Variants in TNRC6C observed in about 807,000 individuals in gnomAD.
The protein encoded by TNRC6C is trinucleotide repeat-containing gene 6C protein.
Under a neutral mutation model 153.7 loss-of-function variants are expected in TNRC6C, and 20 were observed. The ratio of observed to expected loss-of-function variants is 0.13; its 90% CI spans 0.09 to 0.19. The LOEUF is 0.19. Ranked by LOEUF, TNRC6C falls within the 10% of genes least tolerant of loss-of-function variation. The pLI is 1.00. For missense variants in TNRC6C, 1,987 were observed against 2,172.0 expected, an observed-to-expected ratio of 0.91 and a Z score of 1.69; for synonymous variants, 811 against 841.4, an observed-to-expected ratio of 0.96 and a Z score of 0.63.
chr17:78,084,475 A>G (rs925680638), intron 11 of TNRC6C, among the ~76,000 whole-genome samples: 2 of 152,086 alleles, frequency 1.3e-5, no homozygotes, highest in African/African-American at 2.4e-5. Flanking sequence ...TTCTGTAAGC[A>G]GCAGGGGAGG....
At chr17:78,021,574 A>T (rs9910230) in intron 1 of TNRC6C, among the ~76,000 whole-genome samples, 5,735 of 151,824 alleles carry the variant, frequency 0.038, 242 homozygotes, top group African/African-American at 0.1. Flanking sequence ...TTATTTTTTT[A>T]TTTTTATTTT....
intron 1 of TNRC6C, among the ~76,000 whole-genome samples, chr17:77,974,106 CAG>C (rs1303149938): frequency 6.6e-6 from 1 of 151,566 alleles, no homozygotes; most frequent in Non-Finnish European, 1.5e-5. Context: ...GGAGGTAAAA[CAG>C]AACATGAAAA....
At chr17:78,016,912 G>A (rs1184872791) in intron 1 of TNRC6C, among the ~76,000 whole-genome samples, 1 of 152,154 alleles carries the variant, frequency 6.6e-6, no homozygotes, top group African/African-American at 2.4e-5. Flanking sequence ...GTTATGGATG[G>A]CATGACTGAA....
At chr17:78,026,718 T>TA (rs1261644962) in intron 1 of TNRC6C, among the ~76,000 whole-genome samples, 6 of 152,190 alleles carry the variant, frequency 3.9e-5, no homozygotes, top group Admixed American at 3.3e-4. Flanking sequence ...CTCAGAGTTT[T>TA]AAACCAGGGA....
At chr17:78,093,480 A>AAG (rs1220020034) in intron 15 of TNRC6C, 140 bp from the exon 18 acceptor site, 1 of 1,032,634 alleles carries the variant, frequency 9.7e-7, no homozygotes, top group Non-Finnish European at 1.4e-6. Flanking sequence ...GCTTTAATGA[A>AAG]AGAGAGTATA....
intron 17 of TNRC6C, among the ~76,000 whole-genome samples, chr17:78,100,010 C>T (rs1015648592): frequency 6.6e-6 from 1 of 152,230 alleles, no homozygotes; most frequent in Non-Finnish European, 1.5e-5. Flanking sequence ...AATCTCAAAG[C>T]TCCAAAATGA....
chr17:78,081,026 A>G (rs1206798876), intron 10 of TNRC6C, among the ~76,000 whole-genome samples: 1 of 152,176 alleles, frequency 6.6e-6, no homozygotes, highest in African/African-American at 2.4e-5. Flanking sequence ...GCATGAATGT[A>G]TTGCTTGCAG....
intron 16 of TNRC6C, among the ~76,000 whole-genome samples, chr17:78,095,324 T>C (rs2073466029): frequency 6.6e-6 from 1 of 152,176 alleles, no homozygotes; most frequent in Non-Finnish European, 1.5e-5. Flanking sequence ...TCCAGCTCCA[T>C]AGCCTGCCCA....
chr17:78,048,946 A>G, exon 3 of TNRC6C: 1 of 1,318,290 alleles, frequency 7.6e-7, no homozygotes, highest in Non-Finnish European at 9.7e-7. Context: ...TAAAGTGATA[A>G]TAGATAGGAC....
chr17:78,035,578 A>ACCTT (rs1446124911), intron 2 of TNRC6C, among the ~76,000 whole-genome samples: 4 of 152,142 alleles, frequency 2.6e-5, no homozygotes, highest in African/African-American at 9.7e-5. Flanking sequence ...GCTGAGGGAG[A>ACCTT]AGGATCGCTT....
At chr17:78,091,443 G>A in exon 14 of TNRC6C, 1 of 1,590,638 alleles carries the variant, frequency 6.3e-7, no homozygotes, top group Non-Finnish European at 8.6e-7. Context: ...TCTTTAGCTG[G>A]ACTGAACCCA....
chr17:78,040,825 T>G (rs776589936), intron 2 of TNRC6C, among the ~76,000 whole-genome samples: 17 of 152,012 alleles, frequency 1.1e-4, no homozygotes, highest in Admixed American at 7.2e-4. Flanking sequence ...TAAAATCCCA[T>G]CCGTCCATGC....
Position 78,049,284 on chromosome 17 carries a change from G to T in TNRC6C, c.222G>T (p.Met74Ile). 1 of 1,613,246 alleles carries T rather than the reference G, an allele frequency of 6.2e-7. No individual in the cohort carries two copies. Among genetic ancestry groups the T allele is most frequent in the Non-Finnish European group, 8.5e-7 (1 of 1,179,414 alleles). ...CTGTCAGTGGTGGGGATGGAAAAAT[G>T]GACACTATGATTGGAGATGGGAGAA... The change falls in exon 3 of 20, where the codon ATG becomes ATT. Residue 74 changes from methionine (M) to isoleucine (I), a missense_variant. Coordinates refer to ENST00000301624, the Ensembl canonical transcript of TNRC6C. This position sits in a 1 kb window ranked among gnomAD's most constrained non-coding sequence, Gnocchi z 4.1.
rs556029927 is a variant in TNRC6C, at chr17:78,075,380, A to G, written c.3060+102A>G. Reference sequence around the variant, plus strand: ...AGCCAGATTAAAAACTTGCTGGACTATAATACTTAAGTGACTTTTATCCAT... The same window carrying G: ...AGCCAGATTAAAAACTTGCTGGACTGTAATACTTAAGTGACTTTTATCCAT... On this transcript the variant is annotated intron_variant, in intron 8 of 19. Coordinates refer to ENST00000301624, the Ensembl canonical transcript of TNRC6C. The surrounding 1 kb of genome is among the most constrained non-coding windows in gnomAD (Gnocchi z 4.2). 3.6e-5 allele frequency: 49 copies of G among 1,356,876 alleles called. No homozygotes were observed. In the East Asian group the frequency reaches 1.1e-3, roughly 29 times the overall value. The allele number at this position is 1,356,876 out of a possible 1,614,324, so 84.1% of individuals were successfully genotyped here.
chr17:78,104,633 A>G lies in TNRC6C; in HGVS notation c.4861A>G (p.Ser1621Gly), dbSNP rs1275999422. The G allele has an allele frequency of 3.9e-6, 6 of 1,548,092 alleles. No homozygotes were observed. The highest frequency in any genetic ancestry group is 5.2e-6 in the Non-Finnish European group (6 of 1,146,924). ...CCAGCCGCGGCTCAGCGCAGCGGGCAGCTCCCATGGCCTGGTACGCAGCGA... is the reference window on the plus strand; with the variant it reads ...CCAGCCGCGGCTCAGCGCAGCGGGCGGCTCCCATGGCCTGGTACGCAGCGA... The change falls in exon 20 of 20, where the codon AGC (serine) becomes GGC (glycine). Residue 1621 changes from serine to glycine, a missense_variant. Ser to Gly is a moderately conservative substitution (Grantham distance 56, BLOSUM62 0). Around this residue, in one of 4 missense-constraint regions of TNRC6C, gnomAD observed 139 missense variants for 148.5 expected, o/e 0.94. Transcript: ENST00000301624. This position sits in a 1 kb window ranked among gnomAD's most constrained non-coding sequence, Gnocchi z 6.2.
chr17:78,082,439 AAC>A (rs2073198722), intron 10 of TNRC6C, among the ~76,000 whole-genome samples: 1 of 152,174 alleles, frequency 6.6e-6, no homozygotes, highest in Admixed American at 6.6e-5. Context: ...TTAAAACAGA[AAC>A]ACAGTCTGTC....
intron 1 of TNRC6C, among the ~76,000 whole-genome samples, chr17:77,981,668 ACAT>A (rs1339384099): frequency 1.3e-5 from 2 of 152,232 alleles, no homozygotes; most frequent in Non-Finnish European, 2.9e-5. Flanking sequence ...TGAGAGAATC[ACAT>A]CATAATGTTC....
Position 78,079,075 on chromosome 17 carries a change from A to C in TNRC6C, c.3211-320A>C, listed in dbSNP as rs1457473785. The stretch of plus-strand genomic sequence containing the variant: ...TACTGCATTCCAGCCTGGGTGACAG[A>C]GCAAAACTCCATCTAAAAAAAAAAA... On this transcript the variant is annotated intron_variant, in intron 9 of 19. Coordinates refer to ENST00000301624, the Ensembl canonical transcript of TNRC6C. The surrounding 1 kb of genome is among the most constrained non-coding windows in gnomAD (Gnocchi z 4.3). Among the ~76,000 whole-genome samples, 4 of 151,412 alleles carry C rather than the reference A, an allele frequency of 2.6e-5. No individual in the cohort carries two copies. The highest frequency in any genetic ancestry group is 4.4e-5 in the Non-Finnish European group (3 of 67,836).
chr17:78,038,885 T>C lies in TNRC6C; in HGVS notation c.-219+7043T>C, dbSNP rs574832536. 1.2e-4 allele frequency among the ~76,000 whole-genome samples: 19 copies of C among 152,152 alleles called. No individual in the cohort carries two copies. In the East Asian group the frequency reaches 3.7e-3, roughly 29 times the overall value. On this transcript the variant is annotated intron_variant, in intron 2 of 19. Transcript: ENST00000301624. ...ACACATATTAACTCATTTAATCTTC[T>C]CAAGACCCTGTAATCACCGCAGGCG...
Sources: gnomAD v4.1 joint callset for allele counts (sites outside exome capture counted in the v4.1 genomes callset) on GRCh38, gnomAD v4.1.1 for gene constraint, gnomAD v4.1.1 regional missense constraint, Gnocchi (gnomAD v3.1) non-coding constraint, MANE v1.5 for transcripts, NCBI Gene and HGNC (gene_info 2026-07-23, HGNC 2026-07-21) for gene names.